The following SLC8B1 variants were observed in gnomAD, a reference collection of about 807,000 sequenced individuals.
SLC8B1 encodes the protein mitochondrial sodium/calcium exchanger protein.
A neutral mutation model predicts 63.4 loss-of-function variants in SLC8B1; 52 were observed. The observed-to-expected ratio is 0.82, with a 90% CI of 0.66 to 1.03. The LOEUF (loss-of-function observed/expected upper bound fraction) is 1.03. Ranked by LOEUF, SLC8B1 falls within the 50% of genes least tolerant of loss-of-function variation. The pLI, the probability that SLC8B1 is intolerant of heterozygous loss-of-function variation, is 0.00. For synonymous variants in SLC8B1, 336 were observed against 323.9 expected, an observed-to-expected ratio of 1.04 and a Z score of -0.40; for missense variants, 657 against 741.7, an observed-to-expected ratio of 0.89 and a Z score of 1.33.
chr12:113,328,693 C>G (rs1430135049), intron 2 of SLC8B1, among the ~76,000 whole-genome samples: 1 of 151,880 alleles, frequency 6.6e-6, no homozygotes, highest in Non-Finnish European at 1.5e-5. Flanking sequence ...CAGGACACTT[C>G]TTGCAGGAAG....
chr12:113,310,168 C>T, intron 12 of SLC8B1, 66 bp downstream of exon 12: 1 of 1,555,392 alleles, frequency 6.4e-7, no homozygotes, highest in South Asian at 1.2e-5. Context: ...GAGATGCAGA[C>T]AGGACATCTG....
rs139917221 is a variant in SLC8B1, at chr12:113,329,629, C to T, written c.156+3094G>A. 1.4e-3 allele frequency among the ~76,000 whole-genome samples: 211 copies of T among 152,248 alleles called. 3 individuals carry two copies. The East Asian group carries it at 0.03, about 22-fold the overall frequency. On this transcript the variant is annotated intron_variant, in intron 2 of 15. Transcript: ENST00000680972. ...GACAGAGTAAGGTGGGATTGCTCTG[C>T]GTCTGGGGGAGGGAAGGAGTGACTT...
In SLC8B1 at chr12:113,299,693, GAA is replaced by G; in HGVS notation, c.*82_*83del. ...CTCTCGTGCCCACAAGGGCCTTGCA[GAA>G]ATGCTCCGGTCCCTGGGCCTCCCCC... On this transcript the variant is annotated 3_prime_UTR_variant, in exon 16 of 16. Coordinates refer to ENST00000680972, the MANE Select transcript of SLC8B1 (RefSeq NM_001358345.2). 7.1e-7 allele frequency: 1 copy of G among 1,401,808 alleles called. No individual in the cohort carries two copies. The highest frequency in any genetic ancestry group is 1.0e-6 in the Non-Finnish European group (1 of 993,830). 86.8% of individuals were successfully genotyped at this position (1,401,808 alleles called of 1,614,324 possible).
At chr12:113,300,873 G>T (rs7958468) in intron 15 of SLC8B1, among the ~76,000 whole-genome samples, 34,804 of 152,198 alleles carry the variant, frequency 0.23, 4,658 homozygotes, top group African/African-American at 0.37. Flanking sequence ...GGGTGGCTCA[G>T]GCCTGTAATC....
chr12:113,312,231 C>T (rs1480725576), intron 11 of SLC8B1, among the ~76,000 whole-genome samples: 1 of 151,896 alleles, frequency 6.6e-6, no homozygotes, highest in African/African-American at 2.4e-5. Context: ...GTCAGGAGTT[C>T]AAGACCAGCC....
At position 113,306,498 on chromosome 12, in the gene SLC8B1, AGAT is replaced by A. The variant is rs1400443915; in HGVS notation, c.1486_1488del (p.Ile496del). The A allele has an allele frequency of 1.2e-6, 2 of 1,611,910 alleles. No individual in the cohort carries two copies. Among genetic ancestry groups the A allele is most frequent in the East Asian group, 4.5e-5 (2 of 44,858 alleles). On this transcript the variant is annotated inframe_deletion, in exon 14 of 16. Coordinates refer to ENST00000680972, the MANE Select transcript of SLC8B1 (RefSeq NM_001358345.2). The stretch of plus-strand genomic sequence containing the variant: ...AAGAACAGACCACAAAGGATACTGA[AGAT>A]GATGCCGCCAAAGCAGGCGGAGAAC...
At chr12:113,310,923 C>T (rs1447249426) in intron 11 of SLC8B1, among the ~76,000 whole-genome samples, 6 of 152,222 alleles carry the variant, frequency 3.9e-5, no homozygotes, top group Admixed American at 6.5e-5. Flanking sequence ...GTCTTAAAGA[C>T]GATGAATAGT....
Position 113,320,419 on chromosome 12 carries a change from G to A in SLC8B1, c.606C>T (p.Phe202=). ...CCATGTAGAAAACGATGTCCCTGAA[G>A]AAGGGCCTGGAGGCAGCCATGAAGG... ...LHPFMAASRP[F]FRDIVFYMVA... Residue 202 remains phenylalanine, a synonymous_variant, in exon 7 of 16, where the codon TTC becomes TTT. Transcript: ENST00000680972. The surrounding 1 kb of genome is among the most constrained non-coding windows in gnomAD (Gnocchi z 5.3). 1.2e-6 allele frequency: 2 copies of A among 1,614,192 alleles called. No individual in the cohort carries two copies. Among genetic ancestry groups the A allele is most frequent in the Non-Finnish European group, 1.7e-6 (2 of 1,180,022 alleles).
intron 9 of SLC8B1, 111 bp from the exon 10 acceptor site, chr12:113,316,767 C>A (rs544145829): frequency 6.5e-7 from 1 of 1,541,552 alleles, no homozygotes; most frequent in African/African-American, 1.4e-5. Flanking sequence ...GAGACAAAGC[C>A]CAGTACTCGG....
chr12:113,329,003 G>A (rs920232099), intron 2 of SLC8B1, among the ~76,000 whole-genome samples: 10 of 151,972 alleles, frequency 6.6e-5, no homozygotes, highest in African/African-American at 1.9e-4. Context: ...CACCTGCCTC[G>A]GCCTCCCAAA....
chr12:113,318,935 CCT>C (rs1566237030), intron 8 of SLC8B1, 27 bp downstream of exon 8: 5 of 1,585,564 alleles, frequency 3.2e-6, no homozygotes, highest in Non-Finnish European at 4.3e-6. Flanking sequence ...CCCCACTGGT[CCT>C]CTCTGGGGTC....
At chr12:113,333,942 C>G (rs1957092812) in intron 1 of SLC8B1, among the ~76,000 whole-genome samples, 1 of 152,220 alleles carries the variant, frequency 6.6e-6, no homozygotes, top group African/African-American at 2.4e-5. Flanking sequence ...CTCCTAGCCT[C>G]AAGTGATCTG....
In SLC8B1 at chr12:113,320,902, C is replaced by T; in HGVS notation, c.368G>A (p.Cys123Tyr). 6.2e-7 allele frequency: 1 copy of T among 1,605,618 alleles called. No homozygotes were observed. The highest frequency in any genetic ancestry group is 8.5e-7 in the Non-Finnish European group (1 of 1,177,004). Residue 123 changes from cysteine (C) to tyrosine (Y), a missense_variant, in exon 5 of 16, where the codon TGC (cysteine) becomes TAC (tyrosine). By Grantham distance (194) the Cys-to-Tyr change is radical. Transcript: ENST00000680972. The surrounding 1 kb of genome is among the most constrained non-coding windows in gnomAD (Gnocchi z 5.3). ...GGTAGAAATGGCCGACAAGTTGGGG[C>T]AGAAACTACGGAGAAAAAGCGGACG... ...ILGVTAAKFFCPNLSAISTTL... is the reference protein window; with the variant it reads ...ILGVTAAKFFYPNLSAISTTL...
chr12:113,315,423 C>A lies in SLC8B1; in HGVS notation c.1047G>T (p.Lys349Asn). The A allele has an allele frequency of 6.3e-7, 1 of 1,597,764 alleles. No individual in the cohort carries two copies. Residue 349 changes from lysine (K) to asparagine (N), a missense_variant, in exon 11 of 16, where the codon AAG (lysine) becomes AAT (asparagine). By Grantham distance (94) the Lys-to-Asn change is moderately conservative. Coordinates refer to ENST00000680972, the MANE Select transcript of SLC8B1 (RefSeq NM_001358345.2). ...LLTVPVVDPD[K>N]DDQNWKRPLN... The stretch of plus-strand genomic sequence containing the variant: ...GGGGCCGTTTCCAGTTCTGGTCATC[C>A]TTGTCCGGGTCCACGACGGGGACTG...
intron 2 of SLC8B1, among the ~76,000 whole-genome samples, chr12:113,327,708 C>T (rs1593260456): frequency 1.3e-5 from 2 of 149,178 alleles, no homozygotes; most frequent in Admixed American, 6.7e-5. Context: ...ATAGGCTGGG[C>T]GCGGTGGGTC....
chr12:113,315,534 C>T (rs1956824340), intron 10 of SLC8B1, 58 bp from the exon 11 acceptor site: 3 of 1,478,196 alleles, frequency 2.0e-6, no homozygotes, highest in Middle Eastern at 2.5e-4. Context: ...CCCAGCCGGC[C>T]ACAGATGGAC....
At chr12:113,308,068 G>A (rs561531755) in intron 12 of SLC8B1, 37 of 490,276 alleles carry the variant, frequency 7.5e-5, no homozygotes, top group African/African-American at 5.9e-4. Flanking sequence ...CTTTCAGGCC[G>A]GGCACGGTGG....
At chr12:113,300,719 T>G (rs770093715) in intron 15 of SLC8B1, among the ~76,000 whole-genome samples, 1 of 152,206 alleles carries the variant, frequency 6.6e-6, no homozygotes, top group African/African-American at 2.4e-5. Context: ...CCTGCCTGGG[T>G]GCCTCTCCCC....
Position 113,318,953 on chromosome 12 carries a change from C to A in SLC8B1, c.802+11G>T. On this transcript the variant is annotated intron_variant, in intron 8 of 15. Transcript: ENST00000680972. ...CACTGGTCCTCTCTGGGGTCCGATG[C>A]AGACTCTTACCTGGAGTAACTGGCA... The A allele has an allele frequency of 6.2e-7, 1 of 1,611,500 alleles. No homozygotes were observed.
Sources: allele counts gnomAD v4.1 joint callset (sites outside exome capture counted in the v4.1 genomes callset), GRCh38; gene constraint gnomAD v4.1.1; non-coding constraint Gnocchi (gnomAD v3.1); transcripts MANE v1.5; gene names NCBI Gene and HGNC (gene_info 2026-07-23, HGNC 2026-07-21).